GREM2: variants seen among roughly 807,000 people sequenced by gnomAD.
GREM2 encodes the protein gremlin 2, DAN family BMP antagonist.
A neutral mutation model predicts 14.2 loss-of-function variants in GREM2; 11 were observed. That is an observed-to-expected ratio of 0.78 (90% confidence interval 0.49 to 1.28). The LOEUF is 1.28. Among genes scored for constraint, GREM2 ranks in the 50% most tolerant of loss-of-function variants. The probability of loss-of-function intolerance (pLI) is 0.00; values close to 1 mark genes in which losing one functional copy is unlikely to be tolerated. For synonymous variants in GREM2, 98 were observed against 97.6 expected, an observed-to-expected ratio of 1.00 and a Z score of -0.02; for missense variants, 210 against 218.5, an observed-to-expected ratio of 0.96 and a Z score of 0.24.
At chr1:240,548,901 G>A (rs577594355) in intron 1 of GREM2, among the ~76,000 whole-genome samples, 1 of 152,258 alleles carries the variant, frequency 6.6e-6, no homozygotes, top group South Asian at 2.1e-4. Flanking sequence ...ATAAAGAAAC[G>A]GATTTTAGGA....
intron 1 of GREM2, among the ~76,000 whole-genome samples, chr1:240,574,541 A>G (rs907218756): frequency 2.0e-5 from 3 of 152,186 alleles, no homozygotes; most frequent in Non-Finnish European, 4.4e-5. Flanking sequence ...AAATGTTTGC[A>G]GAAAAGAAGA....
chr1:240,611,465 G>A (rs1196683036), intron 1 of GREM2, among the ~76,000 whole-genome samples: 2 of 152,158 alleles, frequency 1.3e-5, no homozygotes, highest in African/African-American at 4.8e-5. Context: ...TATTCCTGTA[G>A]GGAGGATATT....
chr1:240,556,332 G>A (rs935573331), intron 1 of GREM2, among the ~76,000 whole-genome samples: 1 of 152,148 alleles, frequency 6.6e-6, no homozygotes, highest in Non-Finnish European at 1.5e-5. Context: ...CACCATCAGG[G>A]AATAAAAAGG....
chr1:240,585,684 C>T, intron 1 of GREM2, among the ~76,000 whole-genome samples: 1 of 130,056 alleles, frequency 7.7e-6, no homozygotes, highest in African/African-American at 2.8e-5. Context: ...GAGCCGAGGT[C>T]ATGCCACTGT....
At chr1:240,609,058 TATAC>T in intron 1 of GREM2, among the ~76,000 whole-genome samples, 1 of 152,328 alleles carries the variant, frequency 6.6e-6, no homozygotes, top group Middle Eastern at 3.4e-3. Context: ...ATCAAAAATG[TATAC>T]TTGAAGCTAA....
At chr1:240,566,492 G>A (rs974698770) in intron 1 of GREM2, among the ~76,000 whole-genome samples, 3 of 152,150 alleles carry the variant, frequency 2.0e-5, no homozygotes, top group Non-Finnish European at 4.4e-5. Context: ...TCTGAGTTGA[G>A]GAGATGAAAC....
At chr1:240,499,180 A>AT (rs1477784607) in intron 1 of GREM2, among the ~76,000 whole-genome samples, 4 of 152,230 alleles carry the variant, frequency 2.6e-5, no homozygotes, top group Non-Finnish European at 4.4e-5. Flanking sequence ...CTAGGAAAGA[A>AT]TACAGTAGTG....
chr1:240,527,234 T>C (rs1678245897), intron 1 of GREM2, among the ~76,000 whole-genome samples: 2 of 152,216 alleles, frequency 1.3e-5, no homozygotes, highest in South Asian at 2.1e-4. Flanking sequence ...GAAAGGAAAT[T>C]TAATCTTGAT....
intron 1 of GREM2, among the ~76,000 whole-genome samples, chr1:240,585,071 C>A (rs1420282407): frequency 1.3e-5 from 2 of 152,146 alleles, no homozygotes; most frequent in African/African-American, 4.8e-5. Context: ...AAGACCTTTA[C>A]CTTGAAAATT....
At chr1:240,505,983 T>A (rs1036156090) in intron 1 of GREM2, among the ~76,000 whole-genome samples, 20 of 151,864 alleles carry the variant, frequency 1.3e-4, no homozygotes, top group Admixed American at 2.0e-4. Flanking sequence ...ACCATTTTTT[T>A]AAAAAAAAGA....
chr1:240,597,377 C>T (rs552612008), intron 1 of GREM2, among the ~76,000 whole-genome samples: 5 of 152,298 alleles, frequency 3.3e-5, no homozygotes, highest in East Asian at 1.9e-4. Context: ...TATGCTGTCA[C>T]GACAACAAAA....
At position 240,542,442 on chromosome 1, in the gene GREM2, C is replaced by A. The variant is rs1678612088; in HGVS notation, c.-1-48966G>T. Among the ~76,000 whole-genome samples the A allele has an allele frequency of 9.8e-6, 1 of 101,688 alleles. No individual in the cohort carries two copies. The highest frequency in any genetic ancestry group is 3.7e-4 in the South Asian group (1 of 2,674). 66.7% of individuals were successfully genotyped at this position (101,688 alleles called of 152,430 possible). On this transcript the variant is annotated intron_variant, in intron 1 of 1. Transcript: ENST00000318160. This position sits in a 1 kb window ranked among gnomAD's most constrained non-coding sequence, Gnocchi z 4.1. Reference sequence around the variant, plus strand: ...CAACATGGCGAAACCCCCATCTCTACTAAAAAAAAAAAAAAAAAAAAAATT... The same window carrying A: ...CAACATGGCGAAACCCCCATCTCTAATAAAAAAAAAAAAAAAAAAAAAATT...
At chr1:240,533,098 G>T (rs1346941549) in intron 1 of GREM2, among the ~76,000 whole-genome samples, 2 of 152,332 alleles carry the variant, frequency 1.3e-5, no homozygotes, top group Admixed American at 1.3e-4. Context: ...GACAGGAAAA[G>T]GAACACAATG....
intron 1 of GREM2, among the ~76,000 whole-genome samples, chr1:240,559,517 T>C (rs565544016): frequency 6.6e-6 from 1 of 152,054 alleles, no homozygotes; most frequent in South Asian, 2.1e-4. Flanking sequence ...CTAATTTTTG[T>C]ATTTTTAGTA....
chr1:240,576,732 A>C (rs1456312340), intron 1 of GREM2, among the ~76,000 whole-genome samples: 1 of 152,178 alleles, frequency 6.6e-6, no homozygotes, highest in Non-Finnish European at 1.5e-5. Flanking sequence ...CCTGACAGAC[A>C]CTATATCAGA....
chr1:240,589,916 G>A (rs144917619), intron 1 of GREM2, among the ~76,000 whole-genome samples: 50 of 152,218 alleles, frequency 3.3e-4, no homozygotes, highest in South Asian at 1.0e-3. Flanking sequence ...TTCAACAGGC[G>A]GATGTTGGAG....
chr1:240,541,463 G>C (rs551927098), intron 1 of GREM2, among the ~76,000 whole-genome samples: 11 of 152,272 alleles, frequency 7.2e-5, no homozygotes, highest in Admixed American at 2.6e-4. Context: ...CTTCTCTTCT[G>C]TTAACTACGT....
chr1:240,601,728 G>A (rs139823027), intron 1 of GREM2, among the ~76,000 whole-genome samples: 3,089 of 152,114 alleles, frequency 0.02, 117 homozygotes, highest in African/African-American at 0.072. Flanking sequence ...CCAACATGGC[G>A]AAACCCCGTC....
In GREM2 at chr1:240,492,959, G is replaced by A; in HGVS notation, c.*10C>T. The stretch of plus-strand genomic sequence containing the variant: ...GCGCGCGCGGGGCTGAGCTGCGTCC[G>A]GCCCGGCGCTCACTGCTTGTCCGAG... On this transcript the variant is annotated 3_prime_UTR_variant, in exon 2 of 2. Coordinates refer to ENST00000318160, the MANE Select transcript of GREM2 (RefSeq NM_022469.4). 3 of 1,504,612 alleles carry A rather than the reference G, an allele frequency of 2.0e-6. No individual in the cohort carries two copies. The highest frequency in any genetic ancestry group is 1.4e-5 in the African/African-American group (1 of 71,686). 93.2% of individuals were successfully genotyped at this position (1,504,612 alleles called of 1,614,324 possible). A position where few individuals can be genotyped will look rare whatever the true frequency, so the allele number is the denominator to read the frequency against.
Sources: gnomAD v4.1 joint callset for allele counts (sites outside exome capture counted in the v4.1 genomes callset) on GRCh38, gnomAD v4.1.1 for gene constraint, Gnocchi (gnomAD v3.1) non-coding constraint, MANE v1.5 for transcripts, NCBI Gene and HGNC (gene_info 2026-07-23, HGNC 2026-07-21) for gene names.